MYT1L: variants seen among roughly 807,000 people sequenced by gnomAD.
MYT1L encodes the protein myelin transcription factor 1 like.
In MYT1L, 12 loss-of-function variants were observed where a neutral mutation model predicts 126.7. The observed-to-expected ratio is 0.09, with a 90% CI of 0.06 to 0.15. The LOEUF is 0.15. Among genes scored for constraint, MYT1L ranks in the 10% least tolerant of loss-of-function variants. The pLI is 1.00. For synonymous variants in MYT1L, 541 were observed against 604.2 expected (o/e 0.90, Z 1.53); for missense variants, 979 against 1,585.2 (o/e 0.62, Z 6.49).
chr2:1,923,317 A>G, intron 9 of MYT1L, 54 bp from the exon 10 acceptor site: 5 of 1,459,540 alleles, frequency 3.4e-6, no homozygotes, highest in Non-Finnish European at 4.6e-6. Context: ...AAGTGGCTAG[A>G]ACTGGAAGCT....
intron 3 of MYT1L, among the ~76,000 whole-genome samples, chr2:2,121,019 C>T (rs749662424): frequency 6.6e-6 from 1 of 152,172 alleles, no homozygotes; most frequent in Non-Finnish European, 1.5e-5. Flanking sequence ...GCGGAGGAAC[C>T]AGCGCCCACA....
intron 21 of MYT1L, chr2:1,825,737 G>C (rs1361016862): frequency 6.6e-6 from 1 of 152,140 alleles, no homozygotes; most frequent in East Asian, 1.9e-4. Context: ...AGTTTCTTGG[G>C]ACAGAGACTG....
At chr2:1,808,494 G>T (rs2036076946) in intron 22 of MYT1L, among the ~76,000 whole-genome samples, 1 of 152,192 alleles carries the variant, frequency 6.6e-6, no homozygotes, top group African/African-American at 2.4e-5. Context: ...CATGAGGGTG[G>T]ACTGTGGATG....
At chr2:1,908,531 G>C (rs1161361970) in intron 13 of MYT1L, among the ~76,000 whole-genome samples, 1 of 152,230 alleles carries the variant, frequency 6.6e-6, no homozygotes, top group Non-Finnish European at 1.5e-5. Context: ...CCAGCTTCTT[G>C]GGGGTCTGGC....
chr2:2,058,661 C>T (rs1052378567), intron 3 of MYT1L, among the ~76,000 whole-genome samples: 4 of 152,168 alleles, frequency 2.6e-5, no homozygotes, highest in Admixed American at 1.3e-4. Flanking sequence ...TAGGTAAAAA[C>T]ATTTTAAGTA....
At chr2:2,130,283 C>T (rs1050617705) in intron 3 of MYT1L, among the ~76,000 whole-genome samples, 8 of 152,052 alleles carry the variant, frequency 5.3e-5, no homozygotes, top group Non-Finnish European at 5.9e-5. Flanking sequence ...AGAGTTCCAC[C>T]GAGAACACTG....
chr2:1,808,110 CTG>C (rs2036002421), intron 22 of MYT1L, among the ~76,000 whole-genome samples: 9 of 152,250 alleles, frequency 5.9e-5, no homozygotes, highest in Admixed American at 5.9e-4. Context: ...CCATGTGGAG[CTG>C]TGAGTTGATT....
intron 1 of MYT1L, among the ~76,000 whole-genome samples, chr2:2,328,055 A>G (rs548855707): frequency 6.6e-6 from 1 of 152,320 alleles, no homozygotes; most frequent in East Asian, 1.9e-4. Context: ...TTTCACAGAG[A>G]AGTAATTGGC....
chr2:1,982,768 G>A (rs1182962432), intron 5 of MYT1L, among the ~76,000 whole-genome samples: 2 of 152,098 alleles, frequency 1.3e-5, no homozygotes, highest in African/African-American at 2.4e-5. Context: ...GCAGAACAGG[G>A]GCCAGTCACA....
chr2:2,275,863 T>A (rs895256044), intron 2 of MYT1L, among the ~76,000 whole-genome samples: 1 of 152,162 alleles, frequency 6.6e-6, no homozygotes, highest in African/African-American at 2.4e-5. Context: ...GCCTTGTTCT[T>A]GTCCTCAAGA....
At position 2,045,679 on chromosome 2, in the gene MYT1L, C is replaced by CATTAGAA. The variant is rs557236696; in HGVS notation, c.-158+8292_-158+8298dup. On this transcript the variant is annotated intron_variant, in intron 4 of 24. Transcript: ENST00000647738. ...TGCTCATGTAGTTGTACTGTGAATG[C>CATTAGAA]ATTAGAAATTAGACAAATTGCCTTT... Among the ~76,000 whole-genome samples the CATTAGAA allele has an allele frequency of 3.2e-3, 481 of 152,218 alleles. 9 individuals are homozygous for CATTAGAA. Among genetic ancestry groups the CATTAGAA allele is most frequent in the Admixed American group, 0.028 (429 of 15,290 alleles).
intron 2 of MYT1L, among the ~76,000 whole-genome samples, chr2:2,217,688 C>CAAAAAAAAAA (rs1192733884): frequency 1.3e-4 from 9 of 70,872 alleles, no homozygotes; most frequent in African/African-American, 5.5e-4. Flanking sequence ...ACAACAACAA[C>CAAAAAAAAAA]AACAACAACA....
chr2:2,221,505 A>AG (rs1462004384), intron 2 of MYT1L, among the ~76,000 whole-genome samples: 1 of 152,162 alleles, frequency 6.6e-6, no homozygotes, highest in Non-Finnish European at 1.5e-5. Flanking sequence ...TGAATTTAAG[A>AG]GAAAAAAAAG....
chr2:1,943,440 C>G lies in MYT1L; in HGVS notation c.153-106G>C. On this transcript the variant is annotated intron_variant, in intron 8 of 24. Transcript: ENST00000647738. The surrounding 1 kb of genome is among the most constrained non-coding windows in gnomAD (Gnocchi z 4.4). ...GGGCCTTGATCAAGGTACTTAAAGGCTTATCATGAATGTCATCAGCACAAA... is the reference window on the plus strand; with the variant it reads ...GGGCCTTGATCAAGGTACTTAAAGGGTTATCATGAATGTCATCAGCACAAA... The G allele has an allele frequency of 7.7e-7, 1 of 1,290,926 alleles. No homozygotes were observed. The highest frequency in any genetic ancestry group is 2.5e-5 in the East Asian group (1 of 39,376). The allele number at this position is 1,290,926 out of a possible 1,614,324, so 80.0% of individuals were successfully genotyped here.
chr2:2,191,194 C>T (rs922199033), intron 2 of MYT1L, among the ~76,000 whole-genome samples: 1 of 152,166 alleles, frequency 6.6e-6, no homozygotes, highest in Non-Finnish European at 1.5e-5. Context: ...TGGAATGGCT[C>T]CCTTCCCAGC....
intron 3 of MYT1L, among the ~76,000 whole-genome samples, chr2:2,079,468 G>A (rs939938499): frequency 6.6e-6 from 1 of 152,220 alleles, no homozygotes; most frequent in African/African-American, 2.4e-5. Flanking sequence ...AAATTGCTAA[G>A]TTGATTTAAA....
chr2:2,065,823 TACACACACACAC>T (rs71824780), intron 3 of MYT1L, among the ~76,000 whole-genome samples: 2 of 144,820 alleles, frequency 1.4e-5, no homozygotes, highest in African/African-American at 5.2e-5. Context: ...CTCTCTTTTA[TACACACACACAC>T]ACACACACAC....
At chr2:1,823,882 C>T (rs989553852) in intron 21 of MYT1L, among the ~76,000 whole-genome samples, 1 of 152,222 alleles carries the variant, frequency 6.6e-6, no homozygotes, top group Admixed American at 6.5e-5. Flanking sequence ...AGTTCTCTGT[C>T]ACAGGAGCCA....
At chr2:2,135,453 T>C (rs770422983) in intron 3 of MYT1L, among the ~76,000 whole-genome samples, 16 of 152,226 alleles carry the variant, frequency 1.1e-4, no homozygotes, top group Non-Finnish European at 1.8e-4. Flanking sequence ...GTCTCAGGTA[T>C]GTCTTTATTA....
Sources: allele counts gnomAD v4.1 joint callset (sites outside exome capture counted in the v4.1 genomes callset), GRCh38; gene constraint gnomAD v4.1.1; non-coding constraint Gnocchi (gnomAD v3.1); transcripts MANE v1.5; gene names NCBI Gene and HGNC (gene_info 2026-07-23, HGNC 2026-07-21).